Variants in TOP2B observed in about 807,000 individuals in gnomAD.
TOP2B encodes DNA topoisomerase 2-beta.
Under a neutral mutation model 193.5 loss-of-function variants are expected in TOP2B, and 51 were observed. The observed-to-expected ratio is 0.26, with a 90% confidence interval of 0.21 to 0.33. TOP2B has a LOEUF of 0.33. Ranked by LOEUF, TOP2B falls within the 10% of genes least tolerant of loss-of-function variation. The pLI, the probability that TOP2B is intolerant of heterozygous loss-of-function variation, is 1.00. For synonymous variants in TOP2B, 634 were observed against 635.7 expected (o/e 1.00, Z 0.04); for missense variants, 1,378 against 1,909.3 (o/e 0.72, Z 5.19).
In TOP2B at chr3:25,620,816, G is replaced by A. The variant is rs764984075; in HGVS notation, c.2728C>T (p.Leu910Phe). The change falls in exon 22 of 36, where the codon CTT becomes TTT. Residue 910 changes from leucine (L) to phenylalanine (F), a missense_variant and splice_region_variant. This residue lies in a region of TOP2B where 379 missense variants were observed against 615.1 expected (regional missense o/e 0.62). Coordinates refer to ENST00000264331, the MANE Select transcript of TOP2B (RefSeq NM_001330700.2). ...CCTTTAAAGTTTTTGTAGTTTGGAA[G>A]CTGTAGAGAAAAAGGTAAATAGCAT... is the stretch of plus-strand genomic sequence containing the variant. ...MLDGLDPHPM[L>F]PNYKNFKGTI... is the part of the protein sequence containing the mutation. 1 of 1,612,868 alleles carries A rather than the reference G, an allele frequency of 6.2e-7. No individual in the cohort carries two copies. Among genetic ancestry groups the A allele is most frequent in the East Asian group, 2.2e-5 (1 of 44,852 alleles).
chr3:25,601,150 G>T lies in TOP2B; in HGVS notation c.4565C>A (p.Ser1522Tyr), dbSNP rs1185509246. ...AATGCCAAATTCTGAATCCGAGTCA[G>T]AGTTTACAGCCTCTACTACTTTCTT... ...KQKKVVEAVN[S>Y]DSDSEFGIPK... The change falls in exon 34 of 36, where the codon TCT (serine) becomes TAT (tyrosine). Residue 1522 changes from serine to tyrosine, a missense_variant. Coordinates refer to ENST00000264331, the MANE Select transcript of TOP2B (RefSeq NM_001330700.2). The T allele has an allele frequency of 1.2e-6, 2 of 1,613,818 alleles. No homozygotes were observed. Among genetic ancestry groups the T allele is most frequent in the Admixed American group, 3.3e-5 (2 of 60,024 alleles).
chr3:25,628,517 G>C (rs1211651491), intron 15 of TOP2B, among the ~76,000 whole-genome samples: 1 of 152,044 alleles, frequency 6.6e-6, no homozygotes, highest in Non-Finnish European at 1.5e-5. Context: ...TGGTATTATG[G>C]GTTACTTAAA....
At position 25,655,851 on chromosome 3, in the gene TOP2B, T is replaced by C. The variant is rs111788556; in HGVS notation, c.69+8378A>G. The stretch of plus-strand genomic sequence containing the variant: ...TAATCAAAATCATAGAAACAGAAAG[T>C]AGAAAGGTGGTTAACCAAGGGCTGG... On this transcript the variant is annotated intron_variant, in intron 1 of 35. Coordinates refer to ENST00000264331, the MANE Select transcript of TOP2B (RefSeq NM_001330700.2). 6.4e-4 allele frequency among the ~76,000 whole-genome samples: 97 copies of C among 152,052 alleles called. 1 individual carries two copies. Among genetic ancestry groups the C allele is most frequent in the African/African-American group, 2.0e-3 (83 of 41,476 alleles).
intron 34 of TOP2B, among the ~76,000 whole-genome samples, chr3:25,600,250 TAAAAC>T (rs199691062): frequency 0.035 from 5,393 of 152,246 alleles, 118 homozygotes; most frequent in Middle Eastern, 0.15. Flanking sequence ...GCCAATGAAA[TAAAAC>T]AACTAAATAG....
In TOP2B at chr3:25,615,135, C is replaced by T. The variant is rs1702471564; in HGVS notation, c.3591+70G>A. On this transcript the variant is annotated intron_variant, in intron 27 of 35. Coordinates refer to ENST00000264331, the MANE Select transcript of TOP2B (RefSeq NM_001330700.2). ...AGAGTTAAAGAAAACTTTAAGATCA[C>T]TTAAAAGAATTTCATTCTTGTTCAT... 75 of 1,394,446 alleles carry T rather than the reference C, an allele frequency of 5.4e-5. 1 individual carries two copies. In the South Asian group the frequency reaches 8.9e-4, roughly 17 times the overall value. The allele number at this position is 1,394,446 out of a possible 1,614,324, so 86.4% of individuals were successfully genotyped here. A position where few individuals can be genotyped will look rare whatever the true frequency, so the allele number is the denominator to read the frequency against.
chr3:25,607,955 A>T (rs774117339), intron 30 of TOP2B, among the ~76,000 whole-genome samples: 10 of 151,876 alleles, frequency 6.6e-5, no homozygotes, highest in East Asian at 1.9e-4. Context: ...GATTTTTTTT[A>T]AAAAATTGTT....
intron 28 of TOP2B, among the ~76,000 whole-genome samples, 166 bp downstream of exon 28, chr3:25,612,349 G>A (rs1702393020): frequency 2.0e-5 from 3 of 152,068 alleles, no homozygotes; most frequent in Admixed American, 2.0e-4. Context: ...TTACCAATAT[G>A]TTTTCCTTCT....
At position 25,628,928 on chromosome 3, in the gene TOP2B, A is replaced by C. The variant is rs1702881403; in HGVS notation, c.1825T>G (p.Ser609Ala). Residue 609 changes from serine (S) to alanine (A), a missense_variant, in exon 15 of 36, where the codon TCC (serine) becomes GCC (alanine). Physicochemically the swap from Ser to Ala is moderately conservative, Grantham distance 99. Coordinates refer to ENST00000264331, the MANE Select transcript of TOP2B (RefSeq NM_001330700.2). ...VKASKNKQEL[S>A]FYSIPEFDEW... ...TCAAATTCAGGAATACTGTAGAAGG[A>C]AAGTTCCTGCTTATTTTTGCTTGCC... 9 of 1,599,512 alleles carry C rather than the reference A, an allele frequency of 5.6e-6. No individual in the cohort carries two copies. Among genetic ancestry groups the C allele is most frequent in the Non-Finnish European group, 7.7e-6 (9 of 1,175,846 alleles).
chr3:25,611,938 TTTTA>T (rs1208874185), intron 28 of TOP2B, among the ~76,000 whole-genome samples: 2 of 152,056 alleles, frequency 1.3e-5, no homozygotes, highest in East Asian at 1.9e-4. Context: ...AGATTTTTAT[TTTTA>T]TTTATTTATT....
intron 25 of TOP2B, chr3:25,618,143 G>GA: frequency 5.6e-6 from 2 of 354,000 alleles, no homozygotes; most frequent in Non-Finnish European, 1.0e-5. Flanking sequence ...GCAGACTCAG[G>GA]AAAAAAGGTC....
intron 13 of TOP2B, among the ~76,000 whole-genome samples, chr3:25,629,360 T>G (rs1434890968): frequency 1.3e-5 from 2 of 152,106 alleles, no homozygotes; most frequent in Admixed American, 1.3e-4. Context: ...AAAAATATAT[T>G]ATCATTTTAT....
intron 33 of TOP2B, 145 bp from the exon 34 acceptor site, chr3:25,601,370 C>A: frequency 4.9e-6 from 5 of 1,019,514 alleles, no homozygotes; most frequent in Non-Finnish European, 6.9e-6. Context: ...GTAATGCCAG[C>A]ACTCTGGGAG....
intron 35 of TOP2B, among the ~76,000 whole-genome samples, chr3:25,598,981 G>A (rs2125337986): frequency 6.6e-6 from 1 of 152,168 alleles, no homozygotes; most frequent in East Asian, 1.9e-4. Flanking sequence ...ATGCGGGGGA[G>A]CTGATGTCAT....
intron 1 of TOP2B, among the ~76,000 whole-genome samples, chr3:25,662,508 C>G (rs1335879007): frequency 2.0e-5 from 3 of 152,168 alleles, no homozygotes; most frequent in Non-Finnish European, 4.4e-5. Flanking sequence ...CTTTATTTTA[C>G]TGCATTTCCC....
intron 21 of TOP2B, among the ~76,000 whole-genome samples, chr3:25,621,065 C>T (rs148081417): frequency 1.7e-4 from 26 of 152,262 alleles, no homozygotes; most frequent in African/African-American, 6.3e-4. Context: ...GCCTACTTCC[C>T]CTACACCTAC....
chr3:25,657,854 G>A (rs888734494), intron 1 of TOP2B, among the ~76,000 whole-genome samples: 2 of 143,470 alleles, frequency 1.4e-5, no homozygotes, highest in African/African-American at 2.9e-5. Context: ...CAGGTCAGGA[G>A]ATCGAGACCA....
chr3:25,623,709 T>A lies in TOP2B; in HGVS notation c.2533A>T (p.Asn845Tyr), dbSNP rs373490528. The change falls in exon 21 of 36, where the codon AAC becomes TAC. Residue 845 changes from asparagine to tyrosine, a missense_variant. Asn to Tyr is a moderately radical substitution (Grantham distance 143). This residue lies in a region of TOP2B where 379 missense variants were observed against 615.1 expected (regional missense o/e 0.62). Transcript: ENST00000264331. Reference protein sequence around the residue: ...ARLLFPAVDDNLLKFLYDDNQ... With the variant: ...ARLLFPAVDDYLLKFLYDDNQ... ...TCATCATAAAGGAACTTAAGGAGGT[T>A]GTCATCCACAGCAGGAAAAAGTAGC... 17 of 1,613,616 alleles carry A rather than the reference T, an allele frequency of 1.1e-5. No individual in the cohort carries two copies. The African/African-American group carries it at 1.7e-4, about 16-fold the overall frequency.
chr3:25,600,220 G>A (rs995270466), intron 34 of TOP2B, among the ~76,000 whole-genome samples: 2 of 152,102 alleles, frequency 1.3e-5, no homozygotes, highest in African/African-American at 2.4e-5. Context: ...GGGGCCAGAT[G>A]TTCTCCATCC....
chr3:25,656,371 G>A (rs949650992), intron 1 of TOP2B, among the ~76,000 whole-genome samples: 5 of 152,128 alleles, frequency 3.3e-5, no homozygotes, highest in Admixed American at 2.0e-4. Flanking sequence ...GTCTGAGACC[G>A]GAGGATCAAT....
Sources: gnomAD v4.1 joint callset for allele counts (sites outside exome capture counted in the v4.1 genomes callset) on GRCh38, gnomAD v4.1.1 for gene constraint, gnomAD v4.1.1 regional missense constraint, MANE v1.5 for transcripts, NCBI Gene and HGNC (gene_info 2026-07-23, HGNC 2026-07-21) for gene names.